CFAP95: variants seen among roughly 807,000 people sequenced by gnomAD.
CFAP95 encodes cilia- and flagella-associated protein 95.
the CFAP95 span, chr9:69,844,399 A>G: frequency 5.3e-6 from 3 of 564,844 alleles, no homozygotes; most frequent in South Asian, 1.0e-4. Context: ...CAAATCTAAT[A>G]AATTTATACT....
chr9:69,900,637 TTA>T, the CFAP95 span, among the ~76,000 whole-genome samples: 1 of 152,322 alleles, frequency 6.6e-6, no homozygotes, highest in East Asian at 1.9e-4. Context: ...TCTGTGACTC[TTA>T]TGCAGCCCCA....
At chr9:69,829,645 A>G in the CFAP95 span, among the ~76,000 whole-genome samples, 24 of 152,288 alleles carry the variant, frequency 1.6e-4, no homozygotes, top group African/African-American at 5.8e-4. Context: ...TCTCACAGAT[A>G]GTCTAAGGTA....
chr9:69,823,669 A>G, the CFAP95 span, among the ~76,000 whole-genome samples: 3 of 152,250 alleles, frequency 2.0e-5, no homozygotes, highest in East Asian at 5.8e-4. Context: ...TGTGTGAGCA[A>G]CAAGGCTGTT....
the CFAP95 span, chr9:69,902,425 A>T: frequency 2.5e-6 from 1 of 407,896 alleles, no homozygotes; most frequent in South Asian, 1.8e-5. Context: ...TTGCTCAAAA[A>T]TCCTATTTTG....
the CFAP95 span, chr9:69,884,300 A>G: frequency 6.6e-6 from 1 of 152,184 alleles, no homozygotes; most frequent in Non-Finnish European, 1.5e-5. Context: ...TAGAGACAGG[A>G]TCTCTCTCTG....
chr9:69,877,489 A>G, the CFAP95 span, among the ~76,000 whole-genome samples: 3 of 152,224 alleles, frequency 2.0e-5, no homozygotes, highest in Admixed American at 6.5e-5. Flanking sequence ...TATTTTCCCC[A>G]TAAATGACTT....
the CFAP95 span, among the ~76,000 whole-genome samples, chr9:69,857,661 G>A: frequency 9.2e-3 from 1,398 of 152,138 alleles, 24 homozygotes; most frequent in African/African-American, 0.032. Context: ...AGTAGCTAGG[G>A]CTACAGGCAC....
At chr9:69,841,241 G>C in the CFAP95 span, among the ~76,000 whole-genome samples, 5 of 132,680 alleles carry the variant, frequency 3.8e-5, no homozygotes, top group African/African-American at 1.4e-4. Context: ...TAGAAGTATG[G>C]GCCCTGGGCC....
chr9:69,864,219 CCAAA>C, the CFAP95 span, among the ~76,000 whole-genome samples: 1 of 152,062 alleles, frequency 6.6e-6, no homozygotes, highest in South Asian at 2.1e-4. Context: ...AACAATTCAT[CCAAA>C]CATTTATGTA....
At chr9:69,864,926 A>G in the CFAP95 span, among the ~76,000 whole-genome samples, 1 of 152,174 alleles carries the variant, frequency 6.6e-6, no homozygotes, top group Admixed American at 6.5e-5. Context: ...GAAGAAAAAA[A>G]GCTTCAAAAG....
chr9:69,822,470 A>T, the CFAP95 span, among the ~76,000 whole-genome samples: 1 of 152,244 alleles, frequency 6.6e-6, no homozygotes, highest in African/African-American at 2.4e-5. Flanking sequence ...ATCCAAAACT[A>T]CACTGGGAAA....
chr9:69,879,201 G>A, the CFAP95 span, among the ~76,000 whole-genome samples: 495 of 152,308 alleles, frequency 3.2e-3, 5 homozygotes, highest in African/African-American at 0.011. Flanking sequence ...CTTTCTTGGT[G>A]ACTTGCTCTT....
chr9:69,831,383 A>T, the CFAP95 span, among the ~76,000 whole-genome samples: 42,936 of 151,904 alleles, frequency 0.28, 6,662 homozygotes, highest in South Asian at 0.36. Flanking sequence ...AGCTTTTTTT[A>T]AAAAAAGCAC....
the CFAP95 span, among the ~76,000 whole-genome samples, chr9:69,896,821 C>G: frequency 6.6e-6 from 1 of 152,024 alleles, no homozygotes; most frequent in Admixed American, 6.6e-5. Context: ...GCCAAGAGTT[C>G]AAACCTGCAG....
chr9:69,855,448 A>AT, the CFAP95 span, among the ~76,000 whole-genome samples: 6 of 152,080 alleles, frequency 3.9e-5, no homozygotes, highest in South Asian at 2.1e-4. Context: ...TTCTCAAAAG[A>AT]TTTTTTTTGC....
the CFAP95 span, among the ~76,000 whole-genome samples, chr9:69,841,322 T>C: frequency 6.6e-6 from 1 of 151,678 alleles, no homozygotes; most frequent in Non-Finnish European, 1.5e-5. Flanking sequence ...TGTTTCCCCT[T>C]CATTTGTGTG....
chr9:69,889,177 C>T, the CFAP95 span, among the ~76,000 whole-genome samples: 7 of 152,260 alleles, frequency 4.6e-5, 1 homozygote, highest in South Asian at 2.1e-4. Context: ...CTGATACCCT[C>T]GTTCAAAAAT....
the CFAP95 span, among the ~76,000 whole-genome samples, chr9:69,894,111 T>A: frequency 1.3e-4 from 20 of 152,218 alleles, no homozygotes; most frequent in Non-Finnish European, 2.8e-4. Flanking sequence ...CTTTCTAACC[T>A]AAATATCTTG....
the CFAP95 span, among the ~76,000 whole-genome samples, chr9:69,874,874 G>A: frequency 3.3e-5 from 5 of 152,162 alleles, no homozygotes; most frequent in Non-Finnish European, 5.9e-5. Flanking sequence ...TTAAATCACT[G>A]TTGGCTGTCA....
Sources: allele counts gnomAD v4.1 joint callset (sites outside exome capture counted in the v4.1 genomes callset), GRCh38; gene constraint gnomAD v4.1.1; transcripts MANE v1.5; gene names NCBI Gene and HGNC (gene_info 2026-07-23, HGNC 2026-07-21).